Variants in PCM1 observed in about 807,000 individuals in gnomAD.
PCM1 encodes the protein pericentriolar material 1 protein.
In PCM1, 157 loss-of-function variants were observed where a neutral mutation model predicts 241.9. The observed-to-expected ratio is 0.65, with a 90% confidence interval of 0.57 to 0.74. The LOEUF (loss-of-function observed/expected upper bound fraction) is 0.74. PCM1 is among the 30% of genes least tolerant of loss of function. The pLI is 0.00. For missense variants in PCM1, 3,478 were observed against 2,360.1 expected, an observed-to-expected ratio of 1.47 and a Z score of -9.81; for synonymous variants, 1,085 against 784.9, an observed-to-expected ratio of 1.38 and a Z score of -6.39.
At chr8:18,018,861 T>TATATATATACATATACATATACATATAC (rs2093488351) in intron 36 of PCM1, among the ~76,000 whole-genome samples, 3 of 58,560 alleles carry the variant, frequency 5.1e-5, no homozygotes, top group Admixed American at 1.3e-4. Context: ...TGTATATATA[T>TATATATATACATATACATATACATATAC]ATATATATAT....
intron 6 of PCM1, among the ~76,000 whole-genome samples, chr8:17,946,932 G>T (rs544882404): frequency 6.9e-6 from 1 of 145,788 alleles, no homozygotes; most frequent in Admixed American, 6.9e-5. Flanking sequence ...TTTTCCTTTT[G>T]TTCATTCCTC....
chr8:17,989,025 A>T (rs372029226), intron 26 of PCM1, among the ~76,000 whole-genome samples: 1 of 152,058 alleles, frequency 6.6e-6, no homozygotes, highest in Admixed American at 6.6e-5. Context: ...ATCTTTAGTC[A>T]TGATAGCCTC....
intron 5 of PCM1, 120 bp downstream of exon 5, chr8:17,939,129 C>G: frequency 1.2e-6 from 1 of 848,002 alleles, no homozygotes; most frequent in East Asian, 2.6e-5. Context: ...AAGTGCTTCA[C>G]TGACCTCCTT....
intron 32 of PCM1, 33 bp from the exon 33 acceptor site, chr8:18,011,204 A>G (rs771689588): frequency 2.4e-5 from 36 of 1,521,082 alleles, no homozygotes; most frequent in Non-Finnish European, 2.9e-5. Flanking sequence ...ATGTACTTTA[A>G]GGAATTAATT....
rs150845188 is a variant in PCM1, at chr8:17,991,639, C to G, written c.4629C>G (p.Thr1543=). The G allele has an allele frequency of 3.5e-4, 551 of 1,571,340 alleles. No individual in the cohort carries two copies. Among genetic ancestry groups the G allele is most frequent in the Non-Finnish European group, 4.5e-4 (525 of 1,157,278 alleles). ...EAESNSNMRC[T]CRIIEDGDGA... ...AAAGTAACTCAAATATGAGATGCAC[C>G]TGCAGGATTATTGAGGATGGAGATG... Residue 1543 remains threonine, a synonymous_variant, in exon 28 of 39, where the codon ACC becomes ACG. Transcript: ENST00000325083.
intron 27 of PCM1, 83 bp downstream of exon 27, chr8:17,990,062 G>C: frequency 8.8e-7 from 1 of 1,132,992 alleles, no homozygotes; most frequent in Non-Finnish European, 1.2e-6. Context: ...AAGGAAACAA[G>C]TCTAGAAAGG....
chr8:18,000,092 G>A (rs1426384347), intron 29 of PCM1, among the ~76,000 whole-genome samples: 1 of 152,142 alleles, frequency 6.6e-6, no homozygotes, highest in African/African-American at 2.4e-5. Context: ...TGGATGATCA[G>A]GGAAAGCTTC....
rs1234625401 is a variant in PCM1 at position 17,991,562 on chromosome 8, G to C, written c.4552G>C (p.Asp1518His). 6.2e-7 allele frequency: 1 copy of C among 1,602,396 alleles called. No individual in the cohort carries two copies. The change falls in exon 28 of 39, where the codon GAT (aspartate) becomes CAT (histidine). Residue 1518 changes from aspartate to histidine, a missense_variant. Coordinates refer to ENST00000325083, the MANE Select transcript of PCM1 (RefSeq NM_006197.4). ...TGTAGGTAACACCGTGATTCACTTA[G>C]ATCAAGCATTAGCCAGAATGAGAGA... is the stretch of plus-strand genomic sequence containing the variant. The part of the protein sequence containing the change: ...DDLGNTVIHL[D>H]QALARMREYE...
chr8:18,006,085 A>G (rs564095886), intron 29 of PCM1, 178 bp from the exon 30 acceptor site: 8 of 550,444 alleles, frequency 1.5e-5, no homozygotes, highest in Non-Finnish European at 2.5e-5. Flanking sequence ...CTCAATACGT[A>G]TGAATAAAGT....
intron 29 of PCM1, among the ~76,000 whole-genome samples, chr8:18,001,895 G>C (rs1043379742): frequency 6.6e-6 from 1 of 150,704 alleles, no homozygotes; most frequent in African/African-American, 2.4e-5. Context: ...ATCGTGTCCA[G>C]ATTATTCCAT....
chr8:17,938,155 T>C lies in PCM1; in HGVS notation c.343-585T>C, dbSNP rs77921386. On this transcript the variant is annotated intron_variant, in intron 4 of 38. Coordinates refer to ENST00000325083, the MANE Select transcript of PCM1 (RefSeq NM_006197.4). ...CCTAGGACACGTTGAGCATCCCTAA[T>C]ACGAAAATCCGAAATGCTCCAAAAT... 1.2e-3 allele frequency among the ~76,000 whole-genome samples: 182 copies of C among 152,264 alleles called. 2 individuals carry two copies. In the East Asian group the frequency reaches 0.026, roughly 22 times the overall value.
chr8:18,026,580 T>A, intron 38 of PCM1, among the ~76,000 whole-genome samples: 1 of 152,200 alleles, frequency 6.6e-6, no homozygotes, highest in Non-Finnish European at 1.5e-5. Flanking sequence ...TTTTTATTAT[T>A]GATTTTTAGT....
chr8:17,994,308 C>T lies in PCM1; in HGVS notation c.4827+689C>T, dbSNP rs549562906. 2.5e-4 allele frequency among the ~76,000 whole-genome samples: 38 copies of T among 152,292 alleles called. No individual in the cohort carries two copies. The South Asian group carries it at 7.7e-3, about 31-fold the overall frequency. ...AGTTTGTCTTTCTGTGCCTGGCTAACTTCACTTAACATAATGACCTCCAGT... is the reference window on the plus strand; with the variant it reads ...AGTTTGTCTTTCTGTGCCTGGCTAATTTCACTTAACATAATGACCTCCAGT... On this transcript the variant is annotated intron_variant, in intron 29 of 38. Coordinates refer to ENST00000325083, the MANE Select transcript of PCM1 (RefSeq NM_006197.4).
rs1415063579 is a variant in PCM1 at position 18,015,127 on chromosome 8, CCTTTATA to C, written c.5841+290_5841+296del. On this transcript the variant is annotated intron_variant, in intron 36 of 38. Transcript: ENST00000325083. Reference sequence around the variant, plus strand: ...TAATGATGCATGAATCCTCCTTTATCCTTTATACTACCTATTCTTCTCAACTGTTTAG... The same window carrying C: ...TAATGATGCATGAATCCTCCTTTATCCTACCTATTCTTCTCAACTGTTTAG... 2.6e-5 allele frequency among the ~76,000 whole-genome samples: 4 copies of C among 152,070 alleles called. No individual in the cohort carries two copies. The East Asian group carries it at 7.7e-4, about 29-fold the overall frequency.
intron 8 of PCM1, 77 bp downstream of exon 8, chr8:17,950,801 C>T: frequency 2.5e-6 from 2 of 800,696 alleles, no homozygotes; most frequent in South Asian, 1.5e-5. Flanking sequence ...CTTCAGTGAG[C>T]ATACATATCA....
chr8:17,964,130 A>C (rs1239821169), intron 17 of PCM1, among the ~76,000 whole-genome samples: 1 of 152,210 alleles, frequency 6.6e-6, no homozygotes, highest in African/African-American at 2.4e-5. Flanking sequence ...CAATCAAATG[A>C]AATTAAAAAT....
In PCM1 at chr8:17,991,642, C is replaced by G; in HGVS notation, c.4632C>G (p.Cys1544Trp). ...GTAACTCAAATATGAGATGCACCTG[C>G]AGGATTATTGAGGATGGAGATGGTG... ...AESNSNMRCTCRIIEDGDGAG... is the reference protein window; with the variant it reads ...AESNSNMRCTWRIIEDGDGAG... The change falls in exon 28 of 39, where the codon TGC becomes TGG. Residue 1544 changes from cysteine (C) to tryptophan (W), a missense_variant. Cys to Trp is a radical substitution (Grantham distance 215, BLOSUM62 -2). Transcript: ENST00000325083. 12 of 1,569,714 alleles carry G rather than the reference C, an allele frequency of 7.6e-6. No individual in the cohort carries two copies. The highest frequency in any genetic ancestry group is 9.5e-6 in the Non-Finnish European group (11 of 1,156,438).
At chr8:17,935,216 C>T (rs1026092852) in intron 2 of PCM1, among the ~76,000 whole-genome samples, 5 of 152,248 alleles carry the variant, frequency 3.3e-5, no homozygotes, top group African/African-American at 1.2e-4. Flanking sequence ...AGTCCATTGT[C>T]AGAACAGAGA....
intron 2 of PCM1, among the ~76,000 whole-genome samples, chr8:17,931,754 C>G (rs1263574101): frequency 6.6e-6 from 1 of 151,946 alleles, no homozygotes; most frequent in Non-Finnish European, 1.5e-5. Flanking sequence ...CTGTTTTATT[C>G]TTCAGTATTA....
Sources: allele counts gnomAD v4.1 joint callset (sites outside exome capture counted in the v4.1 genomes callset), GRCh38; gene constraint gnomAD v4.1.1; transcripts MANE v1.5; gene names NCBI Gene and HGNC (gene_info 2026-07-23, HGNC 2026-07-21).